MALRD1: variants seen among roughly 807,000 people sequenced by gnomAD.
The protein encoded by MALRD1 is MAM and LDL receptor class A domain containing 1, also known as MAM and LDL-receptor class A domain-containing protein 1.
Under a neutral mutation model 242.1 loss-of-function variants are expected in MALRD1, and 247 were observed. That is an observed-to-expected ratio of 1.02 (90% CI 0.92 to 1.13). MALRD1 has a LOEUF of 1.13. Ranked by LOEUF, MALRD1 falls within the 50% of genes most tolerant of loss-of-function variation. The pLI, the probability that MALRD1 is intolerant of heterozygous loss-of-function variation, is 0.00. For synonymous variants in MALRD1, 995 were observed against 866.6 expected (o/e 1.15, Z -2.60); for missense variants, 2,989 against 2,533.1 (o/e 1.18, Z -3.86).
chr10:19,307,266 T>C (rs2131978452), intron 21 of MALRD1, among the ~76,000 whole-genome samples: 1 of 151,606 alleles, frequency 6.6e-6, no homozygotes, highest in East Asian at 2.0e-4. Flanking sequence ...TTCATCTGTA[T>C]TCCATTAATT....
At chr10:19,443,968 C>A (rs1229163824) in intron 28 of MALRD1, among the ~76,000 whole-genome samples, 2 of 152,108 alleles carry the variant, frequency 1.3e-5, no homozygotes, top group African/African-American at 2.4e-5. Context: ...TCTCTAAGGA[C>A]TTGCTTTATG....
chr10:19,457,372 G>A lies in MALRD1; in HGVS notation c.5029+6882G>A, dbSNP rs141304087. ...CCTCATAAACTAATTACATAAAGCG[G>A]GTTTATTACGTACAGATAGGCAGCA... On this transcript the variant is annotated intron_variant, in intron 29 of 39. Transcript: ENST00000454679. 4.5e-3 allele frequency among the ~76,000 whole-genome samples: 682 copies of A among 152,042 alleles called. 2 individuals carry two copies. Among genetic ancestry groups the A allele is most frequent in the Non-Finnish European group, 6.7e-3 (457 of 67,980 alleles).
chr10:19,521,643 T>C (rs1023436127), intron 31 of MALRD1, among the ~76,000 whole-genome samples: 27 of 152,270 alleles, frequency 1.8e-4, no homozygotes, highest in African/African-American at 5.8e-4. Context: ...TCAGTCTCTG[T>C]CCTCTTGAAT....
chr10:19,213,888 A>G (rs7070471), intron 18 of MALRD1, among the ~76,000 whole-genome samples: 62,564 of 152,000 alleles, frequency 0.41, 13,506 homozygotes, highest in Middle Eastern at 0.48. Flanking sequence ...ACCAGTTCTC[A>G]TTTTAGAGCT....
rs181580080 is a variant in MALRD1 at position 19,515,326 on chromosome 10, C to A, written c.5321-15868C>A. On this transcript the variant is annotated intron_variant, in intron 31 of 39. Coordinates refer to ENST00000454679, the MANE Select transcript of MALRD1 (RefSeq NM_001142308.3). ...ATCACACCAGCTTCCTGTAGATTGGCAAATCTATGAATCATAATTTCTAGA... is the reference window on the plus strand; with the variant it reads ...ATCACACCAGCTTCCTGTAGATTGGAAAATCTATGAATCATAATTTCTAGA... Among the ~76,000 whole-genome samples, 317 of 152,214 alleles carry A rather than the reference C, an allele frequency of 2.1e-3. 1 individual carries two copies. Among genetic ancestry groups the A allele is most frequent in the Middle Eastern group, 6.8e-3 (2 of 294 alleles).
chr10:19,291,365 G>A (rs1299334772), intron 21 of MALRD1: 1 of 152,012 alleles, frequency 6.6e-6, no homozygotes, highest in Non-Finnish European at 1.5e-5. Flanking sequence ...TTAAATGCAG[G>A]TTCTAAAACC....
chr10:19,469,043 T>C (rs1456845827), intron 29 of MALRD1, among the ~76,000 whole-genome samples: 1 of 152,126 alleles, frequency 6.6e-6, no homozygotes, highest in Non-Finnish European at 1.5e-5. Flanking sequence ...TAAAATACTA[T>C]TTCTGCCTGG....
chr10:19,578,701 G>GTT (rs1564454669), intron 33 of MALRD1, among the ~76,000 whole-genome samples: 1 of 148,194 alleles, frequency 6.7e-6, no homozygotes, highest in African/African-American at 2.5e-5. Flanking sequence ...CTCATGGCTG[G>GTT]GTTTTTTTTT....
intron 21 of MALRD1, chr10:19,291,311 T>C (rs1371357634): frequency 6.6e-6 from 1 of 152,258 alleles, no homozygotes; most frequent in South Asian, 2.1e-4. Flanking sequence ...AAAATGGAGA[T>C]TAAAGACCAC....
intron 18 of MALRD1, among the ~76,000 whole-genome samples, chr10:19,212,566 C>T (rs1411743618): frequency 6.6e-6 from 1 of 152,162 alleles, no homozygotes; most frequent in Admixed American, 6.5e-5. Context: ...GTGTTGATAT[C>T]ATTATATGAA....
intron 18 of MALRD1, among the ~76,000 whole-genome samples, chr10:19,216,593 T>G (rs1837324127): frequency 6.6e-6 from 1 of 152,140 alleles, no homozygotes; most frequent in African/African-American, 2.4e-5. Flanking sequence ...ATAACAATAA[T>G]AGTTTAAATA....
chr10:19,424,608 T>A (rs577725004), intron 28 of MALRD1, among the ~76,000 whole-genome samples: 1 of 152,234 alleles, frequency 6.6e-6, no homozygotes, highest in Non-Finnish European at 1.5e-5. Context: ...CTAAAGTAAT[T>A]TTCAGTGTTA....
At chr10:19,124,423 A>C in intron 6 of MALRD1, 101 bp from the exon 7 acceptor site, 1 of 955,808 alleles carries the variant, frequency 1.0e-6, no homozygotes, top group Non-Finnish European at 1.4e-6. Context: ...GCTGATGTGT[A>C]TGTGTGTATA....
intron 28 of MALRD1, among the ~76,000 whole-genome samples, chr10:19,426,790 AAAAC>A (rs775699089): frequency 6.6e-6 from 1 of 152,180 alleles, no homozygotes; most frequent in Non-Finnish European, 1.5e-5. Context: ...GCTCCATCTC[AAAAC>A]AAACAAACAA....
chr10:19,560,729 A>T (rs7894533), intron 32 of MALRD1, among the ~76,000 whole-genome samples: 1 of 152,074 alleles, frequency 6.6e-6, no homozygotes, highest in African/African-American at 2.4e-5. Context: ...ACCAAACAGC[A>T]CATGTTCTCA....
At chr10:19,580,626 G>C (rs1837069396) in intron 33 of MALRD1, among the ~76,000 whole-genome samples, 1 of 152,170 alleles carries the variant, frequency 6.6e-6, no homozygotes, top group Non-Finnish European at 1.5e-5. Flanking sequence ...GTGCATTTAT[G>C]TTGTGTTAAG....
At chr10:19,532,562 A>G (rs572615741) in intron 32 of MALRD1, among the ~76,000 whole-genome samples, 1 of 152,264 alleles carries the variant, frequency 6.6e-6, no homozygotes, top group South Asian at 2.1e-4. Context: ...CTTCTCAAAA[A>G]TATGATATCT....
At chr10:19,094,136 G>A (rs1336673709) in intron 4 of MALRD1, among the ~76,000 whole-genome samples, 4 of 109,682 alleles carry the variant, frequency 3.6e-5, no homozygotes, top group Admixed American at 9.8e-5. Context: ...GGAGCTTCCC[G>A]GCTGCTTTGT....
At chr10:19,589,456 A>G (rs1311755670) in intron 33 of MALRD1, among the ~76,000 whole-genome samples, 1 of 152,174 alleles carries the variant, frequency 6.6e-6, no homozygotes, top group Non-Finnish European at 1.5e-5. Flanking sequence ...CAATGGCATG[A>G]GATACGCTTT....
Sources: gnomAD v4.1 joint callset for allele counts (sites outside exome capture counted in the v4.1 genomes callset) on GRCh38, gnomAD v4.1.1 for gene constraint, MANE v1.5 for transcripts, NCBI Gene and HGNC (gene_info 2026-07-23, HGNC 2026-07-21) for gene names.